WWOX: variants seen among roughly 807,000 people sequenced by gnomAD.
The protein encoded by WWOX is WW domain containing oxidoreductase, also known as WW domain-containing oxidoreductase.
In WWOX, 69 loss-of-function variants were observed where a neutral mutation model predicts 46.2. That is an observed-to-expected ratio of 1.49 (90% CI 1.23 to 1.82). The LOEUF (loss-of-function observed/expected upper bound fraction) is 1.82, where lower values mean the gene tolerates loss of function less well. Ranked by LOEUF, WWOX falls within the 40% of genes most tolerant of loss-of-function variation. The pLI, the probability that WWOX is intolerant of heterozygous loss-of-function variation, is 0.00. For missense variants in WWOX, 919 were observed against 542.6 expected, an observed-to-expected ratio of 1.69 and a Z score of -6.89; for synonymous variants, 359 against 202.6, an observed-to-expected ratio of 1.77 and a Z score of -6.56.
At chr16:78,290,803 A>C (rs1597448399) in intron 5 of WWOX, among the ~76,000 whole-genome samples, 1 of 152,312 alleles carries the variant, frequency 6.6e-6, no homozygotes, top group East Asian at 1.9e-4. Context: ...ACAGCAGTAC[A>C]AATTGTACGT....
At chr16:79,200,083 C>T (rs1348415844) in intron 8 of WWOX, among the ~76,000 whole-genome samples, 1 of 152,176 alleles carries the variant, frequency 6.6e-6, no homozygotes, top group African/African-American at 2.4e-5. Flanking sequence ...CCTTCAGGAC[C>T]TCCTTTGCAC....
rs115203730 is a variant in WWOX, at chr16:78,764,996, A to G, written c.1056+332244A>G. Among the ~76,000 whole-genome samples, 1,467 of 152,310 alleles carry G rather than the reference A, an allele frequency of 9.6e-3. 20 individuals carry two copies. Among genetic ancestry groups the G allele is most frequent in the African/African-American group, 0.034 (1,408 of 41,552 alleles). On this transcript the variant is annotated intron_variant, in intron 8 of 8. Coordinates refer to ENST00000566780, the MANE Select transcript of WWOX (RefSeq NM_016373.4). ...TTTCAGAAAACTTAAGATATGGTTG[A>G]GGGATGCAGGAAGGAACAGGACAAG...
chr16:78,746,233 C>G (rs1006445444), intron 8 of WWOX, among the ~76,000 whole-genome samples: 5 of 152,208 alleles, frequency 3.3e-5, no homozygotes, highest in African/African-American at 1.2e-4. Flanking sequence ...CATGGTGGCT[C>G]ACACCTGTAA....
chr16:78,887,768 G>A (rs2044498957), intron 8 of WWOX, among the ~76,000 whole-genome samples: 1 of 152,152 alleles, frequency 6.6e-6, no homozygotes, highest in African/African-American at 2.4e-5. Flanking sequence ...TGCCTTTCGG[G>A]ATGTTGAATT....
intron 8 of WWOX, among the ~76,000 whole-genome samples, chr16:78,433,008 A>G (rs968324002): frequency 7.1e-6 from 1 of 139,942 alleles, no homozygotes; most frequent in African/African-American, 3.0e-5. Flanking sequence ...CCTTATGGAA[A>G]TGGTGATTTT....
chr16:78,319,188 A>T (rs558356851), intron 5 of WWOX, among the ~76,000 whole-genome samples: 1 of 152,272 alleles, frequency 6.6e-6, no homozygotes, highest in South Asian at 2.1e-4. Flanking sequence ...GGCATGAGCC[A>T]CAGAAAGTAG....
intron 8 of WWOX, among the ~76,000 whole-genome samples, chr16:78,581,943 C>G (rs2045066745): frequency 6.6e-6 from 1 of 152,130 alleles, no homozygotes; most frequent in Non-Finnish European, 1.5e-5. Context: ...TCTAATCACT[C>G]CTAGCATCTG....
chr16:79,061,614 T>C (rs1260357385), intron 8 of WWOX, among the ~76,000 whole-genome samples: 4 of 152,186 alleles, frequency 2.6e-5, no homozygotes, highest in African/African-American at 9.6e-5. Context: ...TTTAAGGCTG[T>C]GTGAGCACTG....
intron 8 of WWOX, among the ~76,000 whole-genome samples, chr16:78,929,649 G>T (rs1360505208): frequency 6.6e-6 from 1 of 152,132 alleles, no homozygotes; most frequent in Non-Finnish European, 1.5e-5. Context: ...GGGTTGGGAT[G>T]GCGACTAAAG....
intron 8 of WWOX, among the ~76,000 whole-genome samples, chr16:78,755,137 G>A (rs113504215): frequency 4.9e-4 from 73 of 150,388 alleles, no homozygotes; most frequent in African/African-American, 1.6e-3. Flanking sequence ...GATAGGTGCA[G>A]CAAACCACCA....
intron 8 of WWOX, among the ~76,000 whole-genome samples, chr16:78,821,722 C>T (rs779711835): frequency 6.6e-6 from 1 of 152,146 alleles, no homozygotes; most frequent in South Asian, 2.1e-4. Context: ...AGCTTTAAAC[C>T]CAAGTCTATT....
chr16:79,059,097 A>C (rs756656066), intron 8 of WWOX, among the ~76,000 whole-genome samples: 2 of 152,228 alleles, frequency 1.3e-5, no homozygotes, highest in Non-Finnish European at 2.9e-5. Flanking sequence ...ATGACATTTT[A>C]AATTAATGTG....
At chr16:78,958,495 A>G (rs1483606499) in intron 8 of WWOX, among the ~76,000 whole-genome samples, 2 of 152,246 alleles carry the variant, frequency 1.3e-5, no homozygotes, top group African/African-American at 2.4e-5. Flanking sequence ...TTAAAAACAC[A>G]CTTTACTACA....
At chr16:78,413,585 T>C (rs1463938024) in intron 6 of WWOX, among the ~76,000 whole-genome samples, 2 of 152,074 alleles carry the variant, frequency 1.3e-5, no homozygotes, top group Admixed American at 6.5e-5. Context: ...TGGGGGAATG[T>C]CATCAGTTAA....
At position 78,419,625 on chromosome 16, in the gene WWOX, CAAAAAAAAAA is replaced by C. The variant is rs60762734; in HGVS notation, c.606-5229_606-5220del. Among the ~76,000 whole-genome samples, 20 of 44,690 alleles carry C rather than the reference CAAAAAAAAAA, an allele frequency of 4.5e-4. No homozygotes were observed. The East Asian group carries it at 5.9e-3, about 13-fold the overall frequency. The allele number at this position is 44,690 out of a possible 152,430, so 29.3% of individuals were successfully genotyped here. On this transcript the variant is annotated intron_variant, in intron 6 of 8. Coordinates refer to ENST00000566780, the MANE Select transcript of WWOX (RefSeq NM_016373.4). ...GCATAAACTACACAGCAAAAAATAGCAAAAAAAAAAAAAAAAAAAAAAAAAGGGTCAGAGA... is the reference window on the plus strand; with the variant it reads ...GCATAAACTACACAGCAAAAAATAGCAAAAAAAAAAAAAAAGGGTCAGAGA...
Position 79,089,524 on chromosome 16 carries a change from G to T in WWOX, c.1057-122084G>T, listed in dbSNP as rs531836795. Reference sequence around the variant, plus strand: ...TTTTTGTATTTTTAATACAGACAGGGTTTCTCCATATTGGTCAGGGTGGTC... The same window carrying T: ...TTTTTGTATTTTTAATACAGACAGGTTTTCTCCATATTGGTCAGGGTGGTC... On this transcript the variant is annotated intron_variant, in intron 8 of 8. Transcript: ENST00000566780. 4.6e-5 allele frequency among the ~76,000 whole-genome samples: 7 copies of T among 152,024 alleles called. No homozygotes were observed. The South Asian group carries it at 1.5e-3, about 32-fold the overall frequency.
rs372972327 is a variant in WWOX at position 78,241,894 on chromosome 16, C to G, written c.516+77605C>G. Among the ~76,000 whole-genome samples the G allele has an allele frequency of 1.6e-4, 24 of 152,288 alleles. 1 individual carries two copies. In the East Asian group the frequency reaches 4.6e-3, roughly 29 times the overall value. ...CCAACAGCATTGCCTGGCAGCGTCA[C>G]GTAGTAGCCCTCTCCCTCACAAGGC... On this transcript the variant is annotated intron_variant, in intron 5 of 8. Coordinates refer to ENST00000566780, the MANE Select transcript of WWOX (RefSeq NM_016373.4).
At chr16:78,415,332 C>T (rs1019800752) in intron 6 of WWOX, among the ~76,000 whole-genome samples, 3 of 151,968 alleles carry the variant, frequency 2.0e-5, no homozygotes, top group South Asian at 2.1e-4. Flanking sequence ...GTAAGGATGA[C>T]CAAATGTCGT....
At chr16:79,188,697 G>C (rs1010577150) in intron 8 of WWOX, among the ~76,000 whole-genome samples, 1 of 152,186 alleles carries the variant, frequency 6.6e-6, no homozygotes, top group African/African-American at 2.4e-5. Flanking sequence ...AAGTCTCTTA[G>C]CACAAAGTCC....
Sources: allele counts gnomAD v4.1 joint callset (sites outside exome capture counted in the v4.1 genomes callset), GRCh38; gene constraint gnomAD v4.1.1; transcripts MANE v1.5; gene names NCBI Gene and HGNC (gene_info 2026-07-23, HGNC 2026-07-21).